ITCH: variants seen among roughly 807,000 people sequenced by gnomAD.
The protein encoded by ITCH is E3 ubiquitin-protein ligase Itchy homolog.
Under a neutral mutation model 126.8 loss-of-function variants are expected in ITCH, and 28 were observed. That is an observed-to-expected ratio of 0.22 (90% confidence interval 0.16 to 0.30). The LOEUF (loss-of-function observed/expected upper bound fraction) is 0.30. Ranked by LOEUF, ITCH falls within the 10% of genes least tolerant of loss-of-function variation. ITCH has a pLI of 1.00. For missense variants in ITCH, 631 were observed against 1,032.4 expected (o/e 0.61, Z 5.33); for synonymous variants, 342 against 340.0 (o/e 1.01, Z -0.06).
intron 6 of ITCH, among the ~76,000 whole-genome samples, chr20:34,421,063 C>G (rs1980698224): frequency 6.6e-6 from 1 of 152,130 alleles, no homozygotes. Context: ...TCTGGATAAC[C>G]CAGTTTTTCA....
chr20:34,456,335 C>T (rs1469735218), intron 12 of ITCH, among the ~76,000 whole-genome samples: 1 of 141,186 alleles, frequency 7.1e-6, no homozygotes, highest in African/African-American at 2.6e-5. Context: ...GGTGACCCTC[C>T]TGCCTTAGCC....
rs542896373 is a variant in ITCH, at chr20:34,366,874, T to A, written c.-98-2520T>A. Among the ~76,000 whole-genome samples the A allele has an allele frequency of 6.2e-4, 95 of 152,230 alleles. 1 individual carries two copies. The highest frequency in any genetic ancestry group is 2.2e-3 in the African/African-American group (93 of 41,544). ...GAGCGAAAGGATGAGGGACTAGCTA[T>A]TGCAGAAGTCTAGTTGAGAAATGAC... On this transcript the variant is annotated intron_variant, in intron 1 of 24. Transcript: ENST00000374864.
rs6088480 is a variant in ITCH, at chr20:34,386,657, A to C, written c.-21-7134A>C. 8.7e-3 allele frequency among the ~76,000 whole-genome samples: 1,323 copies of C among 152,312 alleles called. 7 individuals are homozygous for C. Among genetic ancestry groups the C allele is most frequent in the Non-Finnish European group, 0.012 (815 of 68,032 alleles). ...AATATAGGGCTATATTAAATTACTT[A>C]AAGGTTTTCTAAGTCACAATAGATG... On this transcript the variant is annotated intron_variant, in intron 2 of 24. Transcript: ENST00000374864.
intron 2 of ITCH, among the ~76,000 whole-genome samples, chr20:34,377,700 C>T (rs913669407): frequency 2.0e-5 from 3 of 151,792 alleles, no homozygotes; most frequent in Non-Finnish European, 2.9e-5. Flanking sequence ...CCTGTCTCTA[C>T]GAAAAACACA....
At chr20:34,425,684 T>C (rs1412467794) in intron 7 of ITCH, among the ~76,000 whole-genome samples, 1 of 152,218 alleles carries the variant, frequency 6.6e-6, no homozygotes, top group African/African-American at 2.4e-5. Context: ...CATCCAGACA[T>C]AGTACCTTTC....
chr20:34,444,290 T>C (rs1475359594), intron 10 of ITCH, among the ~76,000 whole-genome samples: 1 of 152,076 alleles, frequency 6.6e-6, no homozygotes, highest in Admixed American at 6.6e-5. Flanking sequence ...CCATTTAAAA[T>C]GATAGGAAGT....
chr20:34,499,310 A>G (rs1222256350), intron 23 of ITCH, among the ~76,000 whole-genome samples: 1 of 57,894 alleles, frequency 1.7e-5, no homozygotes, highest in Non-Finnish European at 3.2e-5. Flanking sequence ...TTTTTTTGAG[A>G]CAGTCTTGCT....
intron 6 of ITCH, among the ~76,000 whole-genome samples, chr20:34,417,395 GCTGA>G (rs1980050619): frequency 7.1e-6 from 1 of 140,620 alleles, no homozygotes; most frequent in South Asian, 2.2e-4. Flanking sequence ...ACTGCGCCCG[GCTGA>G]CTTTTTTTTT....
chr20:34,499,235 A>C (rs1191642095), intron 23 of ITCH, among the ~76,000 whole-genome samples: 1 of 137,058 alleles, frequency 7.3e-6, no homozygotes, highest in Non-Finnish European at 1.5e-5. Flanking sequence ...TGGACTCCCA[A>C]AGTGCTGGGA....
chr20:34,474,809 C>T (rs1334642987), intron 16 of ITCH, among the ~76,000 whole-genome samples: 1 of 151,596 alleles, frequency 6.6e-6, no homozygotes, highest in Non-Finnish European at 1.5e-5. Flanking sequence ...CCCCCCACCT[C>T]CCTCCCGGAC....
chr20:34,399,334 G>A (rs1294740559), intron 3 of ITCH, among the ~76,000 whole-genome samples: 2 of 151,764 alleles, frequency 1.3e-5, no homozygotes, highest in Non-Finnish European at 2.9e-5. Flanking sequence ...GGAGATGGCG[G>A]TGAGCTGAGA....
chr20:34,371,339 C>T (rs1167434428), intron 2 of ITCH, among the ~76,000 whole-genome samples: 2 of 142,082 alleles, frequency 1.4e-5, no homozygotes, highest in Middle Eastern at 3.9e-3. Context: ...TGCAATGGCA[C>T]GATCTTGGCT....
At chr20:34,505,709 C>T (rs1302774694) in intron 24 of ITCH, among the ~76,000 whole-genome samples, 1 of 152,002 alleles carries the variant, frequency 6.6e-6, no homozygotes, top group Non-Finnish European at 1.5e-5. Flanking sequence ...GCATGCACCA[C>T]CACGCATGGC....
At chr20:34,479,066 A>C (rs1356772267) in intron 17 of ITCH, among the ~76,000 whole-genome samples, 3 of 152,220 alleles carry the variant, frequency 2.0e-5, no homozygotes, top group Admixed American at 2.0e-4. Flanking sequence ...TTTGACTTAG[A>C]GTCTCAGCAT....
chr20:34,384,261 C>G (rs2038184471), intron 2 of ITCH: 2 of 148,020 alleles, frequency 1.4e-5, no homozygotes, highest in East Asian at 4.0e-4. Flanking sequence ...GCAGTTGGAC[C>G]AGCCGAGGCC....
intron 18 of ITCH, 74 bp downstream of exon 18, chr20:34,479,863 G>C (rs959164565): frequency 3.9e-6 from 5 of 1,268,090 alleles, no homozygotes; most frequent in Non-Finnish European, 5.7e-6. Flanking sequence ...TGCCATAACA[G>C]ATCATATGAG....
intron 2 of ITCH, among the ~76,000 whole-genome samples, chr20:34,382,463 G>T (rs1226610156): frequency 6.6e-6 from 1 of 151,920 alleles, no homozygotes; most frequent in African/African-American, 2.4e-5. Flanking sequence ...CTGGAGTGCA[G>T]TGGCGTGATC....
chr20:34,402,576 A>G (rs936887854), intron 3 of ITCH: 4 of 700,922 alleles, frequency 5.7e-6, no homozygotes, highest in East Asian at 2.7e-5. Flanking sequence ...ATGGTTCTCT[A>G]CCAGTCATAA....
chr20:34,461,335 GAT>G (rs1184777922), intron 13 of ITCH, among the ~76,000 whole-genome samples: 5 of 152,170 alleles, frequency 3.3e-5, no homozygotes, highest in African/African-American at 1.2e-4. Context: ...GTTTTAGGAT[GAT>G]ACTCTGTTAG....
Sources: allele counts gnomAD v4.1 joint callset (sites outside exome capture counted in the v4.1 genomes callset), GRCh38; gene constraint gnomAD v4.1.1; transcripts MANE v1.5; gene names NCBI Gene and HGNC (gene_info 2026-07-23, HGNC 2026-07-21).